Variants in LIMA1 observed in about 807,000 individuals in gnomAD.
The protein encoded by LIMA1 is LIM domain and actin-binding protein 1.
In LIMA1, 52 loss-of-function variants were observed where a neutral mutation model predicts 62.6. The observed-to-expected ratio is 0.83, with a 90% confidence interval of 0.67 to 1.05. LIMA1 has a LOEUF of 1.05. Among genes scored for constraint, LIMA1 ranks in the 50% least tolerant of loss-of-function variants. The pLI, the probability that LIMA1 is intolerant of heterozygous loss-of-function variation, is 0.00. For missense variants in LIMA1, 780 were observed against 902.2 expected (o/e 0.86, Z 1.74); for synonymous variants, 302 against 317.8 (o/e 0.95, Z 0.53).
At chr12:50,240,750 G>A (rs1009594512) in intron 2 of LIMA1, among the ~76,000 whole-genome samples, 10 of 152,324 alleles carry the variant, frequency 6.6e-5, no homozygotes, top group Middle Eastern at 6.8e-3. Flanking sequence ...CTCTGAGCTA[G>A]TTGTATGCAT....
intron 10 of LIMA1, among the ~76,000 whole-genome samples, chr12:50,181,050 T>G (rs1182665573): frequency 2.1e-5 from 3 of 144,334 alleles, no homozygotes; most frequent in African/African-American, 7.9e-5. Context: ...AGGTAGAGGT[T>G]GCAGTGAGCT....
chr12:50,276,016 C>T (rs1236236329), intron 1 of LIMA1, among the ~76,000 whole-genome samples: 1 of 152,080 alleles, frequency 6.6e-6, no homozygotes, highest in Non-Finnish European at 1.5e-5. Context: ...ACCTTTTTAA[C>T]CACTGCCAGG....
At chr12:50,275,124 A>G (rs1942260717) in intron 1 of LIMA1, among the ~76,000 whole-genome samples, 1 of 152,056 alleles carries the variant, frequency 6.6e-6, no homozygotes, top group South Asian at 2.1e-4. Context: ...TGGGAAGCTG[A>G]GGTGGGCAGA....
At chr12:50,204,493 CAG>C (rs1345827455) in intron 6 of LIMA1, 57 bp downstream of exon 6, 2 of 1,556,150 alleles carry the variant, frequency 1.3e-6, no homozygotes, top group East Asian at 4.6e-5. Context: ...TTCCAGTACT[CAG>C]TGACCATCTG....
chr12:50,225,964 TATTA>T (rs1331827207), intron 3 of LIMA1, among the ~76,000 whole-genome samples: 1 of 152,234 alleles, frequency 6.6e-6, no homozygotes, highest in Non-Finnish European at 1.5e-5. Context: ...TATATCTCAT[TATTA>T]ATTTACATTT....
rs1942300068 is a variant in LIMA1 at position 50,278,401 on chromosome 12, G to A, written c.-24+5019C>T. On this transcript the variant is annotated intron_variant, in intron 1 of 10. Coordinates refer to ENST00000341247, the MANE Select transcript of LIMA1 (RefSeq NM_016357.5). Reference sequence around the variant, plus strand: ...CGTGCCACTGCACTCCAGCCTGGGCGACAGAGCGAGACTCCATCTCAAAAA... The same window carrying A: ...CGTGCCACTGCACTCCAGCCTGGGCAACAGAGCGAGACTCCATCTCAAAAA... 2.6e-5 allele frequency among the ~76,000 whole-genome samples: 4 copies of A among 152,230 alleles called. 1 individual carries two copies. In the South Asian group the frequency reaches 6.2e-4, roughly 24 times the overall value.
intron 1 of LIMA1, among the ~76,000 whole-genome samples, chr12:50,271,987 C>T (rs1942217359): frequency 6.6e-6 from 1 of 152,146 alleles, no homozygotes; most frequent in African/African-American, 2.4e-5. Context: ...AAAAGAAACA[C>T]ATACGCTTAT....
chr12:50,254,120 C>T (rs542407896), intron 1 of LIMA1, among the ~76,000 whole-genome samples: 24 of 152,142 alleles, frequency 1.6e-4, no homozygotes, highest in Admixed American at 1.5e-3. Flanking sequence ...CTTTCAGACT[C>T]CAAAACCCAT....
chr12:50,244,995 G>T (rs1941827957), intron 2 of LIMA1, among the ~76,000 whole-genome samples: 3 of 152,184 alleles, frequency 2.0e-5, no homozygotes, highest in Non-Finnish European at 1.5e-5. Flanking sequence ...AAAACAGAAG[G>T]CTCCAATCAA....
chr12:50,226,790 G>A (rs1941535227), intron 3 of LIMA1, among the ~76,000 whole-genome samples: 1 of 148,046 alleles, frequency 6.8e-6, no homozygotes, highest in African/African-American at 2.5e-5. Context: ...AGTGAGCTGC[G>A]ATCATGCCAC....
At chr12:50,223,488 CA>C (rs5798135) in intron 3 of LIMA1, among the ~76,000 whole-genome samples, 385 of 131,836 alleles carry the variant, frequency 2.9e-3, no homozygotes, top group Admixed American at 3.8e-3. Flanking sequence ...ATCCCCCAAC[CA>C]AAAAAAAAAA....
intron 2 of LIMA1, among the ~76,000 whole-genome samples, chr12:50,242,948 C>T (rs1026765118): frequency 2.1e-4 from 32 of 152,176 alleles, no homozygotes; most frequent in African/African-American, 7.7e-4. Context: ...GCTAGATTCT[C>T]TTTAATTCCA....
chr12:50,254,271 C>T (rs146511407), intron 1 of LIMA1, among the ~76,000 whole-genome samples: 17 of 152,138 alleles, frequency 1.1e-4, no homozygotes, highest in African/African-American at 3.4e-4. Flanking sequence ...CTAGAAGGAT[C>T]GTTGCATGAC....
At chr12:50,228,965 T>C (rs904397123) in intron 3 of LIMA1, among the ~76,000 whole-genome samples, 1 of 152,222 alleles carries the variant, frequency 6.6e-6, no homozygotes, top group Non-Finnish European at 1.5e-5. Context: ...CAAGTGATCC[T>C]TCTGCCTTGA....
At chr12:50,276,835 A>C (rs1178188399) in intron 1 of LIMA1, among the ~76,000 whole-genome samples, 1 of 151,874 alleles carries the variant, frequency 6.6e-6, no homozygotes, top group Non-Finnish European at 1.5e-5. Flanking sequence ...GTGCCACTGC[A>C]CTCCAGCCTG....
At chr12:50,261,038 G>GTT (rs1942061784) in intron 1 of LIMA1, among the ~76,000 whole-genome samples, 1 of 70,150 alleles carries the variant, frequency 1.4e-5, no homozygotes, top group African/African-American at 6.4e-5. Flanking sequence ...CTGCCATCTA[G>GTT]TATATTTTTT....
At chr12:50,254,512 T>C (rs1195886315) in intron 1 of LIMA1, among the ~76,000 whole-genome samples, 2 of 152,152 alleles carry the variant, frequency 1.3e-5, no homozygotes, top group Non-Finnish European at 1.5e-5. Flanking sequence ...TCAATGTTCT[T>C]TTATCAAACC....
intron 2 of LIMA1, among the ~76,000 whole-genome samples, chr12:50,232,753 G>A (rs767767159): frequency 1.3e-5 from 2 of 152,174 alleles, no homozygotes; most frequent in Non-Finnish European, 2.9e-5. Context: ...TTCAGAGGCC[G>A]AGGTGGGTGG....
intron 2 of LIMA1, among the ~76,000 whole-genome samples, chr12:50,248,112 T>C (rs1389611083): frequency 1.3e-5 from 2 of 151,344 alleles, no homozygotes; most frequent in Non-Finnish European, 2.9e-5. Flanking sequence ...CTGGTAAACA[T>C]TTAAAACTAA....
Sources: gnomAD v4.1 joint callset for allele counts (sites outside exome capture counted in the v4.1 genomes callset) on GRCh38, gnomAD v4.1.1 for gene constraint, MANE v1.5 for transcripts, NCBI Gene and HGNC (gene_info 2026-07-23, HGNC 2026-07-21) for gene names.